Variants in SOX5 observed in about 807,000 individuals in gnomAD.
SOX5 encodes transcription factor SOX-5.
A neutral mutation model predicts 92.0 loss-of-function variants in SOX5; 9 were observed. The observed-to-expected ratio is 0.10, with a 90% CI of 0.06 to 0.17. SOX5 has a LOEUF of 0.17. SOX5 is among the 10% of genes least tolerant of loss of function. The pLI is 1.00. For missense variants in SOX5, 642 were observed against 944.5 expected (o/e 0.68, Z 4.20); for synonymous variants, 344 against 336.3 (o/e 1.02, Z -0.25).
intron 3 of SOX5, among the ~76,000 whole-genome samples, chr12:23,802,875 C>T (rs921341875): frequency 8.5e-5 from 13 of 152,096 alleles, no homozygotes; most frequent in Admixed American, 1.3e-4. Flanking sequence ...GCTTCTGATC[C>T]GATTAGTAAC....
intron 6 of SOX5, among the ~76,000 whole-genome samples, chr12:23,726,877 G>A (rs1394627172): frequency 6.6e-6 from 1 of 152,118 alleles, no homozygotes; most frequent in Admixed American, 6.6e-5. Flanking sequence ...CGCTGGTTCT[G>A]TGCCTCTGAT....
chr12:23,696,061 C>A (rs1183251479), intron 6 of SOX5, among the ~76,000 whole-genome samples: 3 of 149,150 alleles, frequency 2.0e-5, no homozygotes, highest in Non-Finnish European at 3.0e-5. Flanking sequence ...AGTTTGCTAA[C>A]ATTGTAAAAA....
At chr12:23,599,529 C>A (rs1953086989) in intron 9 of SOX5, among the ~76,000 whole-genome samples, 1 of 152,226 alleles carries the variant, frequency 6.6e-6, no homozygotes, top group Non-Finnish European at 1.5e-5. Flanking sequence ...TCTCTCTTGT[C>A]ATCAGCTTTT....
intron 3 of SOX5, among the ~76,000 whole-genome samples, chr12:24,265,676 A>G (rs1220347997): frequency 6.6e-6 from 1 of 152,248 alleles, no homozygotes. Context: ...TACAATTGAG[A>G]AGAATAAATT....
At chr12:24,201,546 C>A (rs1038426023) in intron 4 of SOX5, among the ~76,000 whole-genome samples, 1 of 152,216 alleles carries the variant, frequency 6.6e-6, no homozygotes, top group African/African-American at 2.4e-5. Flanking sequence ...TGATGTCAAT[C>A]TCTCTGCTGA....
At chr12:23,848,019 A>G (rs1414606006) in intron 2 of SOX5, among the ~76,000 whole-genome samples, 1 of 152,154 alleles carries the variant, frequency 6.6e-6, no homozygotes, top group Non-Finnish European at 1.5e-5. Flanking sequence ...CATAACACAC[A>G]TTAGCTTAGT....
chr12:24,515,176 G>A (rs902535375), intron 1 of SOX5, among the ~76,000 whole-genome samples: 1 of 152,280 alleles, frequency 6.6e-6, no homozygotes, highest in East Asian at 1.9e-4. Flanking sequence ...TTAAAAGTGT[G>A]GGTTCTGATT....
At chr12:23,689,352 C>T (rs1431689182) in intron 6 of SOX5, among the ~76,000 whole-genome samples, 1 of 152,072 alleles carries the variant, frequency 6.6e-6, no homozygotes, top group Non-Finnish European at 1.5e-5. Context: ...GTGATAGCTG[C>T]CCGCTGCTGA....
intron 4 of SOX5, among the ~76,000 whole-genome samples, chr12:24,104,620 A>G (rs1465442331): frequency 6.6e-6 from 1 of 152,212 alleles, no homozygotes; most frequent in Non-Finnish European, 1.5e-5. Context: ...AAAGTTCATG[A>G]TGATGGCAAT....
intron 11 of SOX5, among the ~76,000 whole-genome samples, chr12:23,562,715 TAATACA>T (rs1946426103): frequency 6.6e-6 from 1 of 152,232 alleles, no homozygotes; most frequent in African/African-American, 2.4e-5. Flanking sequence ...GCCTTAGTTA[TAATACA>T]AATAACGTCA....
intron 2 of SOX5, among the ~76,000 whole-genome samples, chr12:24,288,786 C>T (rs551562653): frequency 7.9e-5 from 12 of 151,650 alleles, no homozygotes; most frequent in South Asian, 6.3e-4. Flanking sequence ...AAGGAGTGTG[C>T]GGCCCCTCCC....
intron 4 of SOX5, among the ~76,000 whole-genome samples, chr12:24,084,546 C>T (rs1003989689): frequency 6.6e-6 from 1 of 152,034 alleles, no homozygotes; most frequent in African/African-American, 2.4e-5. Context: ...AAATAGTCCT[C>T]TATACATTTC....
rs1164391418 is a variant in SOX5, at chr12:24,376,690, C to CTTTTTT, written c.-250-8057_-250-8052dup. Among the ~76,000 whole-genome samples, 55 of 70,610 alleles carry CTTTTTT rather than the reference C, an allele frequency of 7.8e-4. 9 individuals are homozygous for CTTTTTT. Among genetic ancestry groups the CTTTTTT allele is most frequent in the African/African-American group, 1.2e-3 (21 of 17,754 alleles). 46.3% of individuals were successfully genotyped at this position (70,610 alleles called of 152,430 possible). A position where few individuals can be genotyped will look rare whatever the true frequency, so the allele number is the denominator to read the frequency against. On this transcript the variant is annotated intron_variant, in intron 1 of 4. Coordinates refer to the SOX5 transcript ENST00000446891. ...CAGAATGATGCTATGGGAGAGATAC[C>CTTTTTT]TTTTTTTTTTTTTTTTTTTTTTTTT...
chr12:24,319,504 C>T (rs1338927633), intron 2 of SOX5, among the ~76,000 whole-genome samples: 2 of 152,156 alleles, frequency 1.3e-5, no homozygotes, highest in African/African-American at 2.4e-5. Flanking sequence ...ATACTACCCC[C>T]TAACTATCTT....
chr12:24,419,092 C>T lies in SOX5; in HGVS notation c.-250-50453G>A, dbSNP rs1547459. Among the ~76,000 whole-genome samples, 637 of 152,244 alleles carry T rather than the reference C, an allele frequency of 4.2e-3. 2 individuals carry two copies. The highest frequency in any genetic ancestry group is 7.2e-3 in the Non-Finnish European group (487 of 68,010). On this transcript the variant is annotated intron_variant, in intron 1 of 4. Coordinates refer to the SOX5 transcript ENST00000446891. ...CTGGATCCCACACCTCCGCTAGAGT[C>T]CTCATTCCTCCTACATAGCACCTAG...
intron 1 of SOX5, among the ~76,000 whole-genome samples, chr12:24,488,312 GGT>G (rs1946722591): frequency 6.6e-6 from 1 of 152,104 alleles, no homozygotes; most frequent in African/African-American, 2.4e-5. Context: ...TACAAAGCAG[GGT>G]GTGGTAACTC....
chr12:24,144,952 A>G (rs907797535), intron 4 of SOX5, among the ~76,000 whole-genome samples: 6 of 152,128 alleles, frequency 3.9e-5, no homozygotes, highest in African/African-American at 1.4e-4. Context: ...AAAATTAGCC[A>G]GACATGGTGT....
intron 3 of SOX5, among the ~76,000 whole-genome samples, chr12:24,249,937 G>A (rs1274041962): frequency 6.6e-6 from 1 of 152,120 alleles, no homozygotes; most frequent in African/African-American, 2.4e-5. Flanking sequence ...AAGGGAAATA[G>A]TATCACGATA....
At chr12:23,741,360 T>C (rs527263572) in intron 4 of SOX5, among the ~76,000 whole-genome samples, 3 of 152,254 alleles carry the variant, frequency 2.0e-5, no homozygotes, top group African/African-American at 7.2e-5. Flanking sequence ...AACTTTTACT[T>C]TATAAGTAAA....
Sources: allele counts gnomAD v4.1 joint callset (sites outside exome capture counted in the v4.1 genomes callset), GRCh38; gene constraint gnomAD v4.1.1; transcripts MANE v1.5; gene names NCBI Gene and HGNC (gene_info 2026-07-23, HGNC 2026-07-21).